TBCK: variants seen among roughly 807,000 people sequenced by gnomAD.
TBCK encodes TBC1 domain containing kinase.
In TBCK, 99 loss-of-function variants were observed where a neutral mutation model predicts 113.4. The observed-to-expected ratio is 0.87, with a 90% CI of 0.74 to 1.03. The LOEUF is 1.03. TBCK is among the 50% of genes least tolerant of loss of function. The pLI, the probability that TBCK is intolerant of heterozygous loss-of-function variation, is 0.00. For missense variants in TBCK, 1,045 were observed against 1,061.3 expected, an observed-to-expected ratio of 0.98 and a Z score of 0.21; for synonymous variants, 369 against 370.8, an observed-to-expected ratio of 1.00 and a Z score of 0.05.
At chr4:106,214,142 C>T (rs1051480942) in intron 19 of TBCK, among the ~76,000 whole-genome samples, 3 of 151,536 alleles carry the variant, frequency 2.0e-5, no homozygotes, top group African/African-American at 7.3e-5. Context: ...CTCCAACAGA[C>T]CTGCAGCTGA....
At chr4:106,279,862 T>G (rs947970805) in intron 3 of TBCK, among the ~76,000 whole-genome samples, 1 of 152,186 alleles carries the variant, frequency 6.6e-6, no homozygotes, top group African/African-American at 2.4e-5. Context: ...CTTCCAAATC[T>G]TGGCTATTGT....
At chr4:106,083,935 G>T (rs1739205421) in intron 25 of TBCK, among the ~76,000 whole-genome samples, 1 of 152,124 alleles carries the variant, frequency 6.6e-6, no homozygotes. Context: ...CCATGCAAGG[G>T]TCAGCAGCCT....
At chr4:106,238,949 T>G (rs996407926) in intron 12 of TBCK, among the ~76,000 whole-genome samples, 1 of 152,062 alleles carries the variant, frequency 6.6e-6, no homozygotes, top group Non-Finnish European at 1.5e-5. Context: ...CTTCCTTGCT[T>G]CCATGAGATT....
intron 3 of TBCK, among the ~76,000 whole-genome samples, chr4:106,290,778 T>C (rs1238362084): frequency 6.6e-6 from 1 of 152,158 alleles, no homozygotes; most frequent in Non-Finnish European, 1.5e-5. Flanking sequence ...TCCCCATCGC[T>C]ACATTACCAC....
At chr4:106,237,176 G>A (rs755145962) in intron 12 of TBCK, among the ~76,000 whole-genome samples, 12 of 151,914 alleles carry the variant, frequency 7.9e-5, no homozygotes, top group Non-Finnish European at 1.6e-4. Context: ...GTACTATATA[G>A]CCATGTATAT....
Position 106,171,233 on chromosome 4 carries a change from G to C in TBCK, c.2097C>G (p.Asn699Lys). 1.2e-6 allele frequency: 2 copies of C among 1,611,022 alleles called. No homozygotes were observed. The highest frequency in any genetic ancestry group is 1.7e-6 in the Non-Finnish European group (2 of 1,178,930). The change falls in exon 23 of 26, where the codon AAC becomes AAG. Residue 699 changes from asparagine to lysine, a missense_variant. By Grantham distance (94) the Asn-to-Lys change is moderately conservative. Transcript: ENST00000394708. ...CACTTTTAGGAGTCCAACAAAACAG[G>C]TTGATAGATTCTCTCACACAGCGTT... ...DIERCVRESI[N>K]LFCWTPKSAT...
intron 25 of TBCK, among the ~76,000 whole-genome samples, chr4:106,085,089 C>T (rs1365767943): frequency 1.3e-5 from 2 of 152,130 alleles, no homozygotes; most frequent in Non-Finnish European, 2.9e-5. Context: ...CAAATTCACA[C>T]ATAACAATAC....
intron 3 of TBCK, among the ~76,000 whole-genome samples, chr4:106,265,155 T>C (rs961544001): frequency 7.9e-5 from 12 of 151,960 alleles, no homozygotes; most frequent in African/African-American, 2.7e-4. Flanking sequence ...CAAGGAAAAT[T>C]TGATTTGCTA....
intron 23 of TBCK, among the ~76,000 whole-genome samples, chr4:106,147,379 A>G (rs963564863): frequency 6.6e-6 from 1 of 152,196 alleles, no homozygotes; most frequent in Admixed American, 6.6e-5. Context: ...TTGAAAGTTG[A>G]AATGATTGCT....
At chr4:106,187,407 A>AT (rs144844623) in intron 22 of TBCK, among the ~76,000 whole-genome samples, 20,358 of 147,034 alleles carry the variant, frequency 0.14, 1,592 homozygotes, top group South Asian at 0.25. Flanking sequence ...GTCATCTATG[A>AT]TTTTTTTTTT....
At chr4:106,195,332 C>T (rs955146055) in intron 20 of TBCK, among the ~76,000 whole-genome samples, 4 of 152,066 alleles carry the variant, frequency 2.6e-5, no homozygotes, top group African/African-American at 2.4e-5. Flanking sequence ...AGGATAGACT[C>T]AAGACCATGG....
At chr4:106,174,960 T>A (rs778304179) in intron 22 of TBCK, among the ~76,000 whole-genome samples, 6 of 151,840 alleles carry the variant, frequency 4.0e-5, no homozygotes, top group Admixed American at 3.9e-4. Context: ...CTGTCTCTAC[T>A]AAACAAAAAT....
At chr4:106,229,941 G>C (rs1344383919) in intron 19 of TBCK, among the ~76,000 whole-genome samples, 1 of 151,868 alleles carries the variant, frequency 6.6e-6, no homozygotes, top group African/African-American at 2.4e-5. Flanking sequence ...AAGAAAGAGG[G>C]AGTATATTTT....
chr4:106,194,998 T>C (rs1754056935), intron 20 of TBCK, among the ~76,000 whole-genome samples: 1 of 152,116 alleles, frequency 6.6e-6, no homozygotes, highest in Non-Finnish European at 1.5e-5. Context: ...AAACAGACTG[T>C]AGCAAATGCT....
chr4:106,101,501 A>T (rs1741548218), intron 24 of TBCK, among the ~76,000 whole-genome samples: 1 of 152,166 alleles, frequency 6.6e-6, no homozygotes, highest in African/African-American at 2.4e-5. Flanking sequence ...AGTTTTTATA[A>T]ATCAATTATT....
intron 2 of TBCK, among the ~76,000 whole-genome samples, chr4:106,307,333 ATTAAG>A (rs1317115305): frequency 3.9e-5 from 6 of 152,180 alleles, no homozygotes; most frequent in Non-Finnish European, 7.4e-5. Flanking sequence ...TGTTACAAGG[ATTAAG>A]TTAATTAAAA....
At chr4:106,303,376 C>G (rs1001991018) in intron 2 of TBCK, among the ~76,000 whole-genome samples, 1 of 151,842 alleles carries the variant, frequency 6.6e-6, no homozygotes, top group Non-Finnish European at 1.5e-5. Flanking sequence ...TGAAAATCTG[C>G]GAAAAACTAT....
chr4:106,251,852 T>C lies in TBCK; in HGVS notation c.597+14A>G, dbSNP rs754965631. ...CAATTTCCTTTTATTATATTAATAT[T>C]TCTTTATACATACCACACAAAGCTC... On this transcript the variant is annotated intron_variant, in intron 6 of 25. Transcript: ENST00000394708. 2.6e-6 allele frequency: 4 copies of C among 1,515,388 alleles called. No individual in the cohort carries two copies. Among genetic ancestry groups the C allele is most frequent in the Middle Eastern group, 3.5e-4 (2 of 5,636 alleles). The allele number at this position is 1,515,388 out of a possible 1,614,324, so 93.9% of individuals were successfully genotyped here. A position where few individuals can be genotyped will look rare whatever the true frequency, so the allele number is the denominator to read the frequency against.
intron 12 of TBCK, chr4:106,237,642 A>G: frequency 2.5e-6 from 1 of 396,656 alleles, no homozygotes; most frequent in South Asian, 1.8e-5. Flanking sequence ...CAGAATTTTT[A>G]AAGCTTAAGA....
Sources: allele counts gnomAD v4.1 joint callset (sites outside exome capture counted in the v4.1 genomes callset), GRCh38; gene constraint gnomAD v4.1.1; transcripts MANE v1.5; gene names NCBI Gene and HGNC (gene_info 2026-07-23, HGNC 2026-07-21).